The following GBF1 variants were observed in gnomAD, a reference collection of about 807,000 sequenced individuals.
The protein encoded by GBF1 is golgi brefeldin A resistant guanine nucleotide exchange factor 1.
In GBF1, 114 loss-of-function variants were observed where a neutral mutation model predicts 210.5. The ratio of observed to expected loss-of-function variants is 0.54; its 90% CI spans 0.47 to 0.63. The LOEUF is 0.63. Among genes scored for constraint, GBF1 ranks in the 30% least tolerant of loss-of-function variants. The probability of loss-of-function intolerance (pLI) is 0.00; values close to 1 mark genes in which losing one functional copy is unlikely to be tolerated. For missense variants in GBF1, 1,851 were observed against 2,357.7 expected, an observed-to-expected ratio of 0.79 and a Z score of 4.45; for synonymous variants, 850 against 889.2, an observed-to-expected ratio of 0.96 and a Z score of 0.78.
chr10:102,241,246 C>A (rs2070528836), upstream of GBF1: 1 of 152,904 alleles, frequency 6.5e-6, no homozygotes, highest in Non-Finnish European at 1.5e-5. The surrounding 1 kb of genome is among the most constrained non-coding windows in gnomAD (Gnocchi z 6.7). Flanking sequence ...AGTTCAGCTG[C>A]CCCAGGTCTC....
intron 3 of GBF1, among the ~76,000 whole-genome samples, chr10:102,271,688 T>A (rs2074437449): frequency 6.6e-6 from 1 of 152,156 alleles, no homozygotes; most frequent in African/African-American, 2.4e-5. Flanking sequence ...AGGTTAAATA[T>A]TTTTGGCAAG....
the GBF1 span, among the ~76,000 whole-genome samples, chr10:102,234,837 T>C: frequency 6.6e-6 from 1 of 152,066 alleles, no homozygotes; most frequent in African/African-American, 2.4e-5. Flanking sequence ...AATTACCCTG[T>C]CCCCGGCATT....
chr10:102,333,110 G>A (rs183671584), intron 3 of GBF1, among the ~76,000 whole-genome samples: 65 of 152,304 alleles, frequency 4.3e-4, no homozygotes, highest in South Asian at 3.9e-3. Context: ...AAATCCCAAT[G>A]GATGAGGAAA....
chr10:102,381,303 G>T, intron 39 of GBF1, 48 bp downstream of exon 39: 1 of 1,599,428 alleles, frequency 6.3e-7, no homozygotes, highest in Non-Finnish European at 8.5e-7. Flanking sequence ...GCAAGCAGGG[G>T]GCCTAAGAGG....
In GBF1 at chr10:102,368,833, G is replaced by A. The variant is rs1408695851; in HGVS notation, c.2973+1G>A. ...CAAATTCACAGCTCTCAGCAGTGAG[G>A]TGAGCAGGTGCAGGAACTGTGTACT... is the stretch of plus-strand genomic sequence containing the variant. On this transcript the variant is annotated splice_donor_variant, in intron 23 of 39. Coordinates refer to ENST00000369983, the MANE Select transcript of GBF1 (RefSeq NM_001377137.1). LOFTEE classifies it high-confidence loss of function. 1 of 1,578,568 alleles carries A rather than the reference G, an allele frequency of 6.3e-7. No homozygotes were observed. The highest frequency in any genetic ancestry group is 8.7e-7 in the Non-Finnish European group (1 of 1,147,614).
intron 6 of GBF1, 62 bp downstream of exon 6, chr10:102,352,013 G>A: frequency 1.1e-6 from 1 of 908,090 alleles, no homozygotes; most frequent in South Asian, 1.3e-5. Context: ...TATGAATACA[G>A]GAGGCTGTCT....
chr10:102,237,951 G>A, the GBF1 span, among the ~76,000 whole-genome samples: 2 of 152,080 alleles, frequency 1.3e-5, no homozygotes, highest in African/African-American at 4.8e-5. Context: ...GTATCCAGGG[G>A]TGTGACAAAA....
chr10:102,245,968 G>T (rs534012633), intron 1 of GBF1, among the ~76,000 whole-genome samples, 187 bp downstream of exon 1: 1 of 152,320 alleles, frequency 6.6e-6, no homozygotes, highest in South Asian at 2.1e-4. Context: ...CAAAGGTCAT[G>T]CCTCTGCCGC....
intron 2 of GBF1, 75 bp from the exon 3 acceptor site, chr10:102,259,975 C>A: frequency 1.3e-6 from 1 of 783,790 alleles, no homozygotes; most frequent in Non-Finnish European, 2.2e-6. Flanking sequence ...ATAGAAAGAG[C>A]CCTTGATCTG....
intron 3 of GBF1, among the ~76,000 whole-genome samples, chr10:102,314,824 A>C (rs1589604390): frequency 1.3e-5 from 2 of 152,280 alleles, no homozygotes; most frequent in African/African-American, 4.8e-5. Context: ...TGGCATTAAT[A>C]TGAAAAACAT....
At chr10:102,231,201 A>G in the GBF1 span, 4 of 1,184,582 alleles carry the variant, frequency 3.4e-6, no homozygotes, top group Non-Finnish European at 4.6e-6. Flanking sequence ...CCCTGCGGTC[A>G]ATAAACGAGA....
chr10:102,291,092 G>T (rs940726163), intron 3 of GBF1, among the ~76,000 whole-genome samples: 2 of 152,022 alleles, frequency 1.3e-5, no homozygotes, highest in Non-Finnish European at 2.9e-5. Context: ...CATGTATCAG[G>T]TTCTTTCATA....
the GBF1 span, among the ~76,000 whole-genome samples, chr10:102,240,153 G>A: frequency 3.3e-5 from 5 of 152,234 alleles, no homozygotes; most frequent in South Asian, 4.1e-4. Flanking sequence ...AGGAGTCTGG[G>A]GGGTGTCTGG....
At chr10:102,231,767 G>A in the GBF1 span, 122 of 1,605,026 alleles carry the variant, frequency 7.6e-5, no homozygotes, top group Non-Finnish European at 1.0e-4. Flanking sequence ...CCGCCGGGCA[G>A]CGAAGCCGAG....
In GBF1 at chr10:102,358,570, A is replaced by G. The variant is rs747107445; in HGVS notation, c.852A>G (p.Ala284=). 5.0e-6 allele frequency: 8 copies of G among 1,614,104 alleles called. No individual in the cohort carries two copies. The highest frequency in any genetic ancestry group is 6.8e-6 in the Non-Finnish European group (8 of 1,179,924). ...ISSASSEAAS[A]VVSPSTDSGL... ...CTGCAAGTTCAGAAGCTGCCTCAGCAGTGGTCAGTCCCTCTACAGACAGTG... is the reference window on the plus strand; with the variant it reads ...CTGCAAGTTCAGAAGCTGCCTCAGCGGTGGTCAGTCCCTCTACAGACAGTG... The change falls in exon 10 of 40, where the codon GCA becomes GCG. Residue 284 remains alanine (A), a synonymous_variant. Coordinates refer to ENST00000369983, the MANE Select transcript of GBF1 (RefSeq NM_001377137.1).
intron 38 of GBF1, 67 bp from the exon 39 acceptor site, chr10:102,381,060 G>A (rs2060813602): frequency 1.3e-6 from 2 of 1,503,350 alleles, no homozygotes; most frequent in African/African-American, 1.4e-5. Flanking sequence ...AGGCTGTTGG[G>A]TAGCTAGGGC....
At chr10:102,250,425 T>A (rs2071367032) in intron 1 of GBF1, among the ~76,000 whole-genome samples, 1 of 152,154 alleles carries the variant, frequency 6.6e-6, no homozygotes, top group Non-Finnish European at 1.5e-5. Flanking sequence ...GGTGTCATCA[T>A]AGCCCATTGC....
At chr10:102,296,601 G>A (rs879910943) in intron 3 of GBF1, among the ~76,000 whole-genome samples, 1 of 152,170 alleles carries the variant, frequency 6.6e-6, no homozygotes, top group Non-Finnish European at 1.5e-5. Flanking sequence ...AATTAGCCGG[G>A]CTTAGTGGCG....
chr10:102,380,648 A>G lies in GBF1; in HGVS notation c.5135A>G (p.His1712Arg), dbSNP rs2060786765. 6.2e-7 allele frequency: 1 copy of G among 1,613,420 alleles called. No individual in the cohort carries two copies. Among genetic ancestry groups the G allele is most frequent in the African/African-American group, 1.3e-5 (1 of 74,848 alleles). The change falls in exon 38 of 40, where the codon CAC becomes CGC. Residue 1712 changes from histidine (H) to arginine (R), a missense_variant. His to Arg is a conservative substitution (Grantham distance 29). This residue lies in a region of GBF1 where 967 missense variants were observed against 1,247.7 expected (regional missense o/e 0.78). Coordinates refer to ENST00000369983, the MANE Select transcript of GBF1 (RefSeq NM_001377137.1). Reference sequence around the variant, plus strand: ...GAACGCATTGACTGTTTTCTCCCTCACCTACGAGATGAACTCTTCAAGCAG... The same window carrying G: ...GAACGCATTGACTGTTTTCTCCCTCGCCTACGAGATGAACTCTTCAAGCAG... The part of the protein sequence containing the change: ...TWERIDCFLP[H>R]LRDELFKQTV...
Sources: gnomAD v4.1 joint callset for allele counts (sites outside exome capture counted in the v4.1 genomes callset) on GRCh38, gnomAD v4.1.1 for gene constraint, gnomAD v4.1.1 regional missense constraint, Gnocchi (gnomAD v3.1) non-coding constraint, MANE v1.5 for transcripts, NCBI Gene and HGNC (gene_info 2026-07-23, HGNC 2026-07-21) for gene names.